SDK2: variants seen among roughly 807,000 people sequenced by gnomAD.
SDK2 encodes protein sidekick-2.
SDK2 carries 105 observed loss-of-function variants against 253.9 expected under a neutral mutation model. The observed-to-expected ratio is 0.41, with a 90% CI of 0.35 to 0.49. SDK2 has a LOEUF of 0.49. SDK2 is among the 20% of genes least tolerant of loss of function. SDK2 has a pLI of 0.06. For synonymous variants in SDK2, 1,249 were observed against 1,234.9 expected, an observed-to-expected ratio of 1.01 and a Z score of -0.24; for missense variants, 2,608 against 3,003.0, an observed-to-expected ratio of 0.87 and a Z score of 3.07.
intron 1 of SDK2, among the ~76,000 whole-genome samples, chr17:73,549,983 A>G (rs1223826587): frequency 6.6e-6 from 1 of 152,120 alleles, no homozygotes; most frequent in Non-Finnish European, 1.5e-5. Context: ...CCGGGGGTGC[A>G]TAGAGGCAGA....
rs558216861 is a variant in SDK2 at position 73,629,490 on chromosome 17, G to A, written c.64+14535C>T. 6.6e-6 allele frequency among the ~76,000 whole-genome samples: 1 copy of A among 152,292 alleles called. No homozygotes were observed. Among genetic ancestry groups the A allele is most frequent in the Admixed American group, 6.5e-5 (1 of 15,306 alleles). On this transcript the variant is annotated intron_variant, in intron 1 of 44. Transcript: ENST00000392650. The surrounding 1 kb of genome is among the most constrained non-coding windows in gnomAD (Gnocchi z 5.0). Reference sequence around the variant, plus strand: ...CACTTTGGCCTTAGTGATTAGATACGACCAAGGTGCGTATTTGCTGTCTAT... The same window carrying A: ...CACTTTGGCCTTAGTGATTAGATACAACCAAGGTGCGTATTTGCTGTCTAT...
intron 33 of SDK2, among the ~76,000 whole-genome samples, chr17:73,382,075 G>A (rs2062835884): frequency 6.6e-6 from 1 of 152,074 alleles, no homozygotes; most frequent in Non-Finnish European, 1.5e-5. Context: ...AATTAGCTGG[G>A]CGTGGTAGTG....
At chr17:73,599,145 C>T (rs1010076680) in intron 1 of SDK2, among the ~76,000 whole-genome samples, 2 of 152,190 alleles carry the variant, frequency 1.3e-5, no homozygotes, top group African/African-American at 4.8e-5. Flanking sequence ...GTGTCCTGTG[C>T]AATGGGCCTG....
chr17:73,394,398 A>G (rs887032843), intron 25 of SDK2, 74 bp from the exon 26 acceptor site: 2 of 927,376 alleles, frequency 2.2e-6, no homozygotes, highest in Non-Finnish European at 3.0e-6. Context: ...GGACCAGGAC[A>G]GGGGGCCGAG....
rs184775226 is a variant in SDK2 at position 73,351,521 on chromosome 17, T to C, written c.5759-731A>G. On this transcript the variant is annotated intron_variant, in intron 41 of 44. Coordinates refer to ENST00000392650, the MANE Select transcript of SDK2 (RefSeq NM_001144952.2). ...TGCAGGAGGATGAGAGAGCTTTTCC[T>C]GAGGTTTAGTTTGGAGTGAAATTTT... Among the ~76,000 whole-genome samples the C allele has an allele frequency of 1.4e-4, 21 of 152,234 alleles. 1 individual carries two copies. The highest frequency in any genetic ancestry group is 1.1e-3 in the Admixed American group (17 of 15,288).
At chr17:73,416,129 G>A (rs1249520155) in intron 16 of SDK2, 137 bp from the exon 17 acceptor site, 1 of 691,252 alleles carries the variant, frequency 1.4e-6, no homozygotes, top group Non-Finnish European at 2.4e-6. Flanking sequence ...CTGTCCGACA[G>A]GGTGCCCGCC....
At chr17:73,528,505 G>A (rs1341910957) in intron 1 of SDK2, among the ~76,000 whole-genome samples, 1 of 152,196 alleles carries the variant, frequency 6.6e-6, no homozygotes, top group East Asian at 1.9e-4. Flanking sequence ...GGTCACTTGG[G>A]AGCGAGCAGT....
chr17:73,478,081 C>A lies in SDK2; in HGVS notation c.225-5863G>T, dbSNP rs1032889553. On this transcript the variant is annotated intron_variant, in intron 2 of 44. Coordinates refer to ENST00000392650, the MANE Select transcript of SDK2 (RefSeq NM_001144952.2). ...CCTTGTCCCCCAGCTGCCCTGTCAT[C>A]CTGATCCCCAACATACACAGGGAGG... Among the ~76,000 whole-genome samples the A allele has an allele frequency of 3.9e-5, 6 of 152,174 alleles. 1 individual carries two copies. The highest frequency in any genetic ancestry group is 4.1e-4 in the South Asian group (2 of 4,828).
At position 73,409,708 on chromosome 17, in the gene SDK2, G is replaced by A. The variant is rs184266868; in HGVS notation, c.2484+4936C>T. On this transcript the variant is annotated intron_variant, in intron 18 of 44. Transcript: ENST00000392650. ...TGGAGGTATACAAGGGACAAACACTGCTTTTTTCTCCTTGTGATATGCTGA... is the reference window on the plus strand; with the variant it reads ...TGGAGGTATACAAGGGACAAACACTACTTTTTTCTCCTTGTGATATGCTGA... 2.3e-3 allele frequency among the ~76,000 whole-genome samples: 349 copies of A among 152,164 alleles called. 2 individuals carry two copies. The highest frequency in any genetic ancestry group is 3.0e-3 in the Non-Finnish European group (206 of 68,002).
At chr17:73,597,809 G>C (rs915692295) in intron 1 of SDK2, among the ~76,000 whole-genome samples, 1 of 151,902 alleles carries the variant, frequency 6.6e-6, no homozygotes, top group Non-Finnish European at 1.5e-5. Context: ...CCACGCCCGG[G>C]TAATTTTTTG....
intron 39 of SDK2, among the ~76,000 whole-genome samples, chr17:73,359,869 T>G (rs1298627625): frequency 9.9e-5 from 15 of 152,198 alleles, no homozygotes; most frequent in Non-Finnish European, 7.3e-5. Context: ...CTTGAACTCC[T>G]GGGCTCAGGC....
At chr17:73,539,123 C>T (rs1567830501) in intron 1 of SDK2, among the ~76,000 whole-genome samples, 1 of 152,136 alleles carries the variant, frequency 6.6e-6, no homozygotes, top group Non-Finnish European at 1.5e-5. Context: ...CCTTAGAAGT[C>T]CCCATCCCCA....
intron 18 of SDK2, among the ~76,000 whole-genome samples, chr17:73,405,636 G>A (rs1014604446): frequency 1.3e-5 from 2 of 150,472 alleles, no homozygotes; most frequent in Non-Finnish European, 3.0e-5. Flanking sequence ...AGGACCGCCC[G>A]CAGATACCAA....
At position 73,365,282 on chromosome 17, in the gene SDK2, A is replaced by G. The variant is rs779679666; in HGVS notation, c.5281T>C (p.Tyr1761His). 6.2e-7 allele frequency: 1 copy of G among 1,611,870 alleles called. No homozygotes were observed. The highest frequency in any genetic ancestry group is 8.5e-7 in the Non-Finnish European group (1 of 1,179,014). Residue 1761 changes from tyrosine (Y) to histidine (H), a missense_variant, in exon 38 of 45, where the codon TAC becomes CAC. Physicochemically the swap from Tyr to His is moderately conservative, Grantham distance 83. Transcript: ENST00000392650. ...NGILEGYRLV[Y>H]EPCSPVDGVS... ...CCATCCACGGGGCTGCAGGGCTCGT[A>G]CACCAGCCTGTAGCCCTCCAGGATG...
At position 73,339,006 on chromosome 17, in the gene SDK2, G is replaced by A. The variant is rs1022536865; in HGVS notation, c.6166-66C>T. 2.9e-5 allele frequency: 39 copies of A among 1,365,638 alleles called. No individual in the cohort carries two copies. The South Asian group carries it at 3.5e-4, about 12-fold the overall frequency. 84.6% of individuals were successfully genotyped at this position (1,365,638 alleles called of 1,614,324 possible). A position where few individuals can be genotyped will look rare whatever the true frequency, so the allele number is the denominator to read the frequency against. ...GGGACAGGCCATTGTGGTTGGGGCC[G>A]GAAGGCACAGGGCATTCTGGTTCAA... is the stretch of plus-strand genomic sequence containing the variant. On this transcript the variant is annotated intron_variant, in intron 44 of 44. Coordinates refer to ENST00000392650, the MANE Select transcript of SDK2 (RefSeq NM_001144952.2).
At chr17:73,413,908 A>C (rs993398751) in intron 18 of SDK2, among the ~76,000 whole-genome samples, 2 of 152,170 alleles carry the variant, frequency 1.3e-5, no homozygotes, top group Non-Finnish European at 2.9e-5. Context: ...CATTAACCAC[A>C]CACTACGTGG....
In SDK2 at chr17:73,630,588, G is replaced by T. The variant is rs185208662; in HGVS notation, c.64+13437C>A. Among the ~76,000 whole-genome samples the T allele has an allele frequency of 5.4e-4, 82 of 152,196 alleles. 1 individual carries two copies. Among genetic ancestry groups the T allele is most frequent in the African/African-American group, 1.9e-3 (80 of 41,518 alleles). ...GTGCCTCAGCTTGGACTCAGCCTGG[G>T]CTCTAAGGACCCAGGACCCCTCAAG... On this transcript the variant is annotated intron_variant, in intron 1 of 44. Coordinates refer to ENST00000392650, the MANE Select transcript of SDK2 (RefSeq NM_001144952.2).
At chr17:73,533,313 G>A (rs536248451) in intron 1 of SDK2, among the ~76,000 whole-genome samples, 15 of 152,368 alleles carry the variant, frequency 9.8e-5, no homozygotes, top group African/African-American at 3.4e-4. Flanking sequence ...GGGCCGACTG[G>A]CACGGTGGCT....
Position 73,379,843 on chromosome 17 carries a change from C to G in SDK2, c.4763-294G>C, listed in dbSNP as rs1424808992. Among the ~76,000 whole-genome samples the G allele has an allele frequency of 6.6e-6, 1 of 152,016 alleles. No homozygotes were observed. Among genetic ancestry groups the G allele is most frequent in the Non-Finnish European group, 1.5e-5 (1 of 67,996 alleles). ...ACCACTATGAATATTTACACCGGGA[C>G]AACCAGTGTAAACCAAAGCTGTCCT... On this transcript the variant is annotated intron_variant, in intron 34 of 44. Transcript: ENST00000392650. This position sits in a 1 kb window ranked among gnomAD's most constrained non-coding sequence, Gnocchi z 4.5.
Sources: gnomAD v4.1 joint callset for allele counts (sites outside exome capture counted in the v4.1 genomes callset) on GRCh38, gnomAD v4.1.1 for gene constraint, Gnocchi (gnomAD v3.1) non-coding constraint, MANE v1.5 for transcripts, NCBI Gene and HGNC (gene_info 2026-07-23, HGNC 2026-07-21) for gene names.